The following JAK2 variants were observed in gnomAD, a reference collection of about 807,000 sequenced individuals.
JAK2 encodes the protein tyrosine-protein kinase JAK2.
A neutral mutation model predicts 139.3 loss-of-function variants in JAK2; 86 were observed. The ratio of observed to expected loss-of-function variants is 0.62; its 90% CI spans 0.52 to 0.74. The LOEUF (loss-of-function observed/expected upper bound fraction) is 0.74. Among genes scored for constraint, JAK2 ranks in the 30% least tolerant of loss-of-function variants. JAK2 has a pLI of 0.00. For missense variants in JAK2, 1,421 were observed against 1,360.3 expected (o/e 1.04, Z -0.70); for synonymous variants, 490 against 437.7 (o/e 1.12, Z -1.49).
intron 22 of JAK2, among the ~76,000 whole-genome samples, chr9:5,096,070 G>C (rs1341258173): frequency 6.6e-6 from 1 of 152,048 alleles, no homozygotes; most frequent in Non-Finnish European, 1.5e-5. Context: ...AACCATTATA[G>C]CTATCATAAC....
rs369345985 is a variant in JAK2 at position 5,063,571 on chromosome 9, G to T, written c.1057-1312G>T. On this transcript the variant is annotated intron_variant, in intron 8 of 24. Transcript: ENST00000381652. Reference sequence around the variant, plus strand: ...TAGGTACAGCCTCTGGTATTTGTTGGTATCTTTAATGTGATTGAGACAAAT... The same window carrying T: ...TAGGTACAGCCTCTGGTATTTGTTGTTATCTTTAATGTGATTGAGACAAAT... Among the ~76,000 whole-genome samples the T allele has an allele frequency of 1.2e-3, 184 of 152,074 alleles. 1 individual carries two copies. The highest frequency in any genetic ancestry group is 4.3e-3 in the African/African-American group (179 of 41,478).
At chr9:5,013,394 C>T (rs1268180020) in intron 2 of JAK2, among the ~76,000 whole-genome samples, 2 of 152,166 alleles carry the variant, frequency 1.3e-5, no homozygotes, top group African/African-American at 4.8e-5. Flanking sequence ...ATGGTTATAT[C>T]TTGCAATAGA....
chr9:5,087,380 G>T lies in JAK2; in HGVS notation c.2572-2294G>T, dbSNP rs546876799. Among the ~76,000 whole-genome samples, 4 of 152,298 alleles carry T rather than the reference G, an allele frequency of 2.6e-5. No homozygotes were observed. The East Asian group carries it at 7.7e-4, about 29-fold the overall frequency. ...TGGAGGAAACCACCCGCATGATTCA[G>T]TTGCCTCCCACCAGGTCCTTCCAAT... On this transcript the variant is annotated intron_variant, in intron 19 of 24. Transcript: ENST00000381652.
chr9:5,072,493 A>G lies in JAK2; in HGVS notation c.1643A>G (p.Asn548Ser). 1.3e-6 allele frequency: 2 copies of G among 1,557,800 alleles called. No individual in the cohort carries two copies. Among genetic ancestry groups the G allele is most frequent in the Non-Finnish European group, 1.7e-6 (2 of 1,150,150 alleles). Reference sequence around the variant, plus strand: ...TTCTTTTACCTTTTTCTCTTGAAGAATGAAAGCCTTGGCCAAGGCACTTTT... The same window carrying G: ...TTCTTTTACCTTTTTCTCTTGAAGAGTGAAAGCCTTGGCCAAGGCACTTTT... ...HKIRNEDLIF[N>S]ESLGQGTFTK... Residue 548 changes from asparagine to serine, a missense_variant and splice_region_variant, in exon 13 of 25, where the codon AAT (asparagine) becomes AGT (serine). Asn to Ser is a conservative substitution (Grantham distance 46, BLOSUM62 1). Transcript: ENST00000381652.
At chr9:5,104,428 A>G (rs1821786592) in intron 22 of JAK2, among the ~76,000 whole-genome samples, 1 of 152,140 alleles carries the variant, frequency 6.6e-6, no homozygotes, top group Non-Finnish European at 1.5e-5. Flanking sequence ...ATAGCCTACC[A>G]ACCAAAAAAA....
chr9:5,019,814 G>T (rs1009114255), intron 2 of JAK2, among the ~76,000 whole-genome samples: 1 of 152,212 alleles, frequency 6.6e-6, no homozygotes, highest in Non-Finnish European at 1.5e-5. Context: ...AACAGCATCA[G>T]TGGTGTCTGT....
chr9:5,000,853 A>G (rs1199439620), intron 2 of JAK2, among the ~76,000 whole-genome samples: 1 of 152,214 alleles, frequency 6.6e-6, no homozygotes, highest in Non-Finnish European at 1.5e-5. Context: ...AGAACTTGAT[A>G]ACGTATTGGT....
chr9:5,126,883 A>G lies in JAK2; in HGVS notation c.*92A>G. The G allele has an allele frequency of 1.6e-6, 1 of 618,484 alleles. No homozygotes were observed. Among genetic ancestry groups the G allele is most frequent in the East Asian group, 3.2e-5 (1 of 31,658 alleles). 38.3% of individuals were successfully genotyped at this position (618,484 alleles called of 1,614,324 possible). On this transcript the variant is annotated 3_prime_UTR_variant, in exon 25 of 25. Coordinates refer to ENST00000381652, the MANE Select transcript of JAK2 (RefSeq NM_004972.4). The stretch of plus-strand genomic sequence containing the variant: ...GTGGACTATTATTACATATATCATT[A>G]TTATATAAATCATGATGCTAGCCAG...
In JAK2 at chr9:5,033,712, G is replaced by A. The variant is rs564683584; in HGVS notation, c.350+3806G>A. On this transcript the variant is annotated intron_variant, in intron 4 of 24. Coordinates refer to ENST00000381652, the MANE Select transcript of JAK2 (RefSeq NM_004972.4). ...TGCTGAGAGATTTTGTCACCACCAG[G>A]CCTGCCCTAAAAGAGCTCCTGAAGG... Among the ~76,000 whole-genome samples the A allele has an allele frequency of 3.9e-5, 6 of 152,258 alleles. No individual in the cohort carries two copies. The East Asian group carries it at 1.2e-3, about 29-fold the overall frequency.
chr9:5,127,994 T>TAAGTA lies in JAK2; in HGVS notation c.*1204_*1208dup. On this transcript the variant is annotated 3_prime_UTR_variant, in exon 25 of 25. Coordinates refer to ENST00000381652, the MANE Select transcript of JAK2 (RefSeq NM_004972.4). ...AGCATACATCTTAAATCTTTTCAATTAAGTATAAGGGGTTGTTCGTTGTTG... is the reference window on the plus strand; with the variant it reads ...AGCATACATCTTAAATCTTTTCAATTAAGTAAAGTATAAGGGGTTGTTCGTTGTTG... The TAAGTA allele has an allele frequency of 8.6e-6, 2 of 232,262 alleles. No individual in the cohort carries two copies. Among genetic ancestry groups the TAAGTA allele is most frequent in the Non-Finnish European group, 1.7e-5 (2 of 117,368 alleles). The allele number at this position is 232,262 out of a possible 1,614,324, so 14.4% of individuals were successfully genotyped here. A position where few individuals can be genotyped will look rare whatever the true frequency, so the allele number is the denominator to read the frequency against.
At chr9:5,126,055 C>A in intron 23 of JAK2, 1 of 241,474 alleles carries the variant, frequency 4.1e-6, no homozygotes, top group South Asian at 1.7e-4. Flanking sequence ...TTTTTAACAA[C>A]AAAAAACTCA....
At chr9:4,992,723 A>T (rs926622640) in intron 2 of JAK2, among the ~76,000 whole-genome samples, 1 of 152,132 alleles carries the variant, frequency 6.6e-6, no homozygotes, top group African/African-American at 2.4e-5. Context: ...CCATGAAGAG[A>T]CAGTTTATAT....
chr9:5,048,608 G>A (rs1458152090), intron 5 of JAK2, among the ~76,000 whole-genome samples: 1 of 152,104 alleles, frequency 6.6e-6, no homozygotes, highest in African/African-American at 2.4e-5. Context: ...AATTAATTTT[G>A]TATTAGCAAC....
intron 22 of JAK2, among the ~76,000 whole-genome samples, chr9:5,116,171 A>C (rs1416624142): frequency 6.6e-6 from 1 of 152,114 alleles, no homozygotes; most frequent in East Asian, 1.9e-4. Context: ...ATGTATGATT[A>C]TTATCTCTAT....
intron 6 of JAK2, among the ~76,000 whole-genome samples, chr9:5,052,080 A>C (rs746938238): frequency 2.0e-5 from 3 of 152,092 alleles, no homozygotes; most frequent in Non-Finnish European, 2.9e-5. Flanking sequence ...TTACATAGAA[A>C]CTGAAGGAAT....
At chr9:4,992,830 T>G (rs1820335199) in intron 2 of JAK2, among the ~76,000 whole-genome samples, 1 of 152,210 alleles carries the variant, frequency 6.6e-6, no homozygotes, top group Non-Finnish European at 1.5e-5. Context: ...TCTGTAGCAA[T>G]TCTGCAACCT....
Position 5,054,248 on chromosome 9 carries a change from A to T in JAK2, c.615-315A>T, listed in dbSNP as rs1817609376. ...TATAAACCATTAACTCTGGTATGTG[A>T]AATAGAGAAAAGGAATTTTTAGAGA... On this transcript the variant is annotated intron_variant, in intron 6 of 24. Coordinates refer to ENST00000381652, the MANE Select transcript of JAK2 (RefSeq NM_004972.4). The surrounding 1 kb of genome is among the most constrained non-coding windows in gnomAD (Gnocchi z 4.9). 6.6e-6 allele frequency among the ~76,000 whole-genome samples: 1 copy of T among 152,066 alleles called. No homozygotes were observed. The highest frequency in any genetic ancestry group is 1.5e-5 in the Non-Finnish European group (1 of 67,932).
At chr9:5,086,939 C>T (rs1223795408) in intron 19 of JAK2, among the ~76,000 whole-genome samples, 1 of 152,164 alleles carries the variant, frequency 6.6e-6, no homozygotes, top group Non-Finnish European at 1.5e-5. Flanking sequence ...CCCCCCTTCC[C>T]TTGATTATCT....
chr9:5,011,367 T>A (rs1309097853), intron 2 of JAK2, among the ~76,000 whole-genome samples: 2 of 151,964 alleles, frequency 1.3e-5, no homozygotes, highest in African/African-American at 4.8e-5. Context: ...AAAAAAATTT[T>A]TTTGTAGAGA....
Sources: gnomAD v4.1 joint callset for allele counts (sites outside exome capture counted in the v4.1 genomes callset) on GRCh38, gnomAD v4.1.1 for gene constraint, Gnocchi (gnomAD v3.1) non-coding constraint, MANE v1.5 for transcripts, NCBI Gene and HGNC (gene_info 2026-07-23, HGNC 2026-07-21) for gene names.